FBXW7: variants seen among roughly 807,000 people sequenced by gnomAD.
FBXW7 encodes the protein F-box and WD repeat domain containing 7.
FBXW7 carries 11 observed loss-of-function variants against 86.3 expected under a neutral mutation model. The observed-to-expected ratio is 0.13, with a 90% confidence interval of 0.08 to 0.21. The LOEUF (loss-of-function observed/expected upper bound fraction) is 0.21, where lower values mean the gene tolerates loss of function less well. FBXW7 is among the 10% of genes least tolerant of loss of function. The probability of loss-of-function intolerance (pLI) is 1.00; values close to 1 mark genes in which losing one functional copy is unlikely to be tolerated. For synonymous variants in FBXW7, 313 were observed against 297.9 expected, an observed-to-expected ratio of 1.05 and a Z score of -0.52; for missense variants, 488 against 847.4, an observed-to-expected ratio of 0.58 and a Z score of 5.27.
In FBXW7 at chr4:152,369,507, G is replaced by A. The variant is rs577760835; in HGVS notation, c.502-19383C>T. Among the ~76,000 whole-genome samples, 7 of 152,106 alleles carry A rather than the reference G, an allele frequency of 4.6e-5. No homozygotes were observed. The South Asian group carries it at 1.2e-3, about 27-fold the overall frequency. ...GAATACATAGATGGAAGAGATAACT[G>A]CTCAGTTGTCTTCTTTTAAATATTA... On this transcript the variant is annotated intron_variant, in intron 4 of 13. Transcript: ENST00000281708.
chr4:152,416,241 CA>C (rs1486039035), intron 2 of FBXW7, among the ~76,000 whole-genome samples: 1 of 152,010 alleles, frequency 6.6e-6, no homozygotes, highest in Non-Finnish European at 1.5e-5. Flanking sequence ...TGCTCTTCAC[CA>C]AAAAAGAACT....
chr4:152,499,899 ATTTAGT>A (rs1746760809), intron 2 of FBXW7, among the ~76,000 whole-genome samples: 1 of 152,164 alleles, frequency 6.6e-6, no homozygotes, highest in Non-Finnish European at 1.5e-5. Context: ...ATCCATGATC[ATTTAGT>A]CACAGCCAAA....
chr4:152,431,889 T>C (rs1739925225), intron 2 of FBXW7, among the ~76,000 whole-genome samples: 1 of 152,198 alleles, frequency 6.6e-6, no homozygotes, highest in South Asian at 2.1e-4. Context: ...AACCCTCTTC[T>C]AAAATGATTG....
chr4:152,513,660 T>C (rs1231954160), intron 2 of FBXW7, among the ~76,000 whole-genome samples: 1 of 152,226 alleles, frequency 6.6e-6, no homozygotes, highest in Non-Finnish European at 1.5e-5. Flanking sequence ...TTTGTTGTCT[T>C]TTACCCAGAC....
chr4:152,403,770 C>T (rs1392010447), intron 4 of FBXW7, among the ~76,000 whole-genome samples: 1 of 152,168 alleles, frequency 6.6e-6, no homozygotes, highest in African/African-American at 2.4e-5. Context: ...CACCTACCGC[C>T]CGCCTCCTGC....
At chr4:152,430,519 TAAAA>T (rs397978644) in intron 2 of FBXW7, among the ~76,000 whole-genome samples, 1 of 144,148 alleles carries the variant, frequency 6.9e-6, no homozygotes, top group Admixed American at 6.9e-5. Context: ...TTCTTACCAT[TAAAA>T]AAAAAAAAGT....
At chr4:152,434,966 C>T (rs549918043) in intron 2 of FBXW7, among the ~76,000 whole-genome samples, 3 of 151,078 alleles carry the variant, frequency 2.0e-5, no homozygotes, top group East Asian at 3.9e-4. Flanking sequence ...GCTCCCCCCC[C>T]CCCACACACA....
intron 4 of FBXW7, among the ~76,000 whole-genome samples, chr4:152,390,988 A>G (rs780879602): frequency 3.9e-5 from 6 of 152,100 alleles, no homozygotes; most frequent in Non-Finnish European, 8.8e-5. Context: ...AAAAATCTGA[A>G]GGAGTGCTGG....
intron 6 of FBXW7, among the ~76,000 whole-genome samples, chr4:152,343,095 T>C (rs1730902501): frequency 6.6e-6 from 1 of 152,206 alleles, no homozygotes; most frequent in Non-Finnish European, 1.5e-5. Context: ...AATCTTCCAA[T>C]GGAGAAGTTT....
chr4:152,384,511 G>A (rs754576423), intron 4 of FBXW7, among the ~76,000 whole-genome samples: 1 of 152,152 alleles, frequency 6.6e-6, no homozygotes. Context: ...ATGGTTGTCT[G>A]AGACAGGGAG....
At chr4:152,463,139 T>A (rs1743102345) in intron 2 of FBXW7, among the ~76,000 whole-genome samples, 1 of 151,770 alleles carries the variant, frequency 6.6e-6, no homozygotes, top group Non-Finnish European at 1.5e-5. Flanking sequence ...AATACAAAAA[T>A]TAGCTGGGCG....
chr4:152,530,608 T>C (rs1417414850), intron 2 of FBXW7: 1 of 152,354 alleles, frequency 6.6e-6, no homozygotes, highest in East Asian at 1.9e-4. Flanking sequence ...AAAAGTATTT[T>C]GTACAGTAGA....
chr4:152,474,508 A>G (rs1269777699), intron 2 of FBXW7, among the ~76,000 whole-genome samples: 1 of 152,194 alleles, frequency 6.6e-6, no homozygotes, highest in African/African-American at 2.4e-5. Context: ...GATCTAGGAC[A>G]AAGCATTAGA....
At chr4:152,446,158 T>C (rs1741371625) in intron 2 of FBXW7, among the ~76,000 whole-genome samples, 1 of 152,184 alleles carries the variant, frequency 6.6e-6, no homozygotes, top group Non-Finnish European at 1.5e-5. Context: ...TTATCTTTGT[T>C]AGAAAGTCTA....
At chr4:152,508,262 G>A (rs962731208) in intron 2 of FBXW7, among the ~76,000 whole-genome samples, 15 of 152,016 alleles carry the variant, frequency 9.9e-5, no homozygotes, top group African/African-American at 3.4e-4. Context: ...AAAAAAATCC[G>A]CGAGTCCATT....
intron 2 of FBXW7, among the ~76,000 whole-genome samples, chr4:152,515,306 G>C (rs753755480): frequency 7.9e-5 from 12 of 152,190 alleles, no homozygotes; most frequent in Non-Finnish European, 1.3e-4. Context: ...TAAAAAAGCA[G>C]ATCATTGATT....
chr4:152,384,595 A>T (rs1213366232), intron 4 of FBXW7, among the ~76,000 whole-genome samples: 2 of 151,998 alleles, frequency 1.3e-5, no homozygotes, highest in Non-Finnish European at 2.9e-5. Context: ...CTGAAGATGG[A>T]TAGTGGTAAT....
At chr4:152,476,965 C>T (rs533269851) in intron 2 of FBXW7, among the ~76,000 whole-genome samples, 11 of 152,124 alleles carry the variant, frequency 7.2e-5, no homozygotes, top group Admixed American at 2.0e-4. Context: ...CTGAGGATTC[C>T]GCATCTGTTA....
intron 2 of FBXW7, among the ~76,000 whole-genome samples, chr4:152,441,816 G>C (rs1032726855): frequency 6.6e-6 from 1 of 152,126 alleles, no homozygotes; most frequent in African/African-American, 2.4e-5. Flanking sequence ...CAAAATTTAG[G>C]AATTAATTTC....
Sources: allele counts gnomAD v4.1 joint callset (sites outside exome capture counted in the v4.1 genomes callset), GRCh38; gene constraint gnomAD v4.1.1; transcripts MANE v1.5; gene names NCBI Gene and HGNC (gene_info 2026-07-23, HGNC 2026-07-21).